MYH11: variants seen among roughly 807,000 people sequenced by gnomAD.
MYH11 encodes the protein myosin-11.
A neutral mutation model predicts 246.6 loss-of-function variants in MYH11; 80 were observed. The ratio of observed to expected loss-of-function variants is 0.32; its 90% CI spans 0.27 to 0.39. The LOEUF is 0.39. Among genes scored for constraint, MYH11 ranks in the 10% least tolerant of loss-of-function variants. The probability of loss-of-function intolerance (pLI) is 1.00; values close to 1 mark genes in which losing one functional copy is unlikely to be tolerated. For synonymous variants in MYH11, 1,071 were observed against 1,015.5 expected (o/e 1.05, Z -1.04); for missense variants, 2,158 against 2,546.8 (o/e 0.85, Z 3.29).
chr16:15,724,864 T>G, intron 29 of MYH11, 24 bp downstream of exon 29: 1 of 1,613,844 alleles, frequency 6.2e-7, no homozygotes, highest in East Asian at 2.2e-5. Flanking sequence ...CCAGGTCCCC[T>G]GGATGATGTG....
At chr16:15,825,159 G>A (rs556384086) in intron 2 of MYH11, among the ~76,000 whole-genome samples, 33 of 152,272 alleles carry the variant, frequency 2.2e-4, no homozygotes, top group African/African-American at 7.5e-4. Context: ...CAAAGCCATG[G>A]AGACAGAAAA....
At chr16:15,778,216 G>A (rs10852376) in intron 7 of MYH11, among the ~76,000 whole-genome samples, 29,558 of 152,048 alleles carry the variant, frequency 0.19, 2,973 homozygotes, top group East Asian at 0.29. Context: ...TGTTCCTTGC[G>A]ATACCAGCAT....
intron 2 of MYH11, among the ~76,000 whole-genome samples, chr16:15,830,960 T>A (rs909760145): frequency 1.3e-4 from 20 of 152,028 alleles, no homozygotes; most frequent in Non-Finnish European, 2.5e-4. Flanking sequence ...TCACCTGAGG[T>A]CAGGAGATCG....
At chr16:15,767,182 G>T (rs1330902372) in intron 9 of MYH11, among the ~76,000 whole-genome samples, 3 of 152,088 alleles carry the variant, frequency 2.0e-5, no homozygotes, top group African/African-American at 7.2e-5. Context: ...GTGATGGAAG[G>T]ATGAGTAGAG....
chr16:15,704,782 A>G (rs371585177), intron 40 of MYH11, among the ~76,000 whole-genome samples: 5 of 152,372 alleles, frequency 3.3e-5, no homozygotes, highest in South Asian at 4.1e-4. Context: ...CATACCGCAC[A>G]TGGCGTAAAA....
chr16:15,722,726 C>T (rs139354226), intron 31 of MYH11, among the ~76,000 whole-genome samples: 2 of 152,232 alleles, frequency 1.3e-5, no homozygotes, highest in South Asian at 4.1e-4. Context: ...GGCATTTAGC[C>T]TCACTGTACA....
intron 1 of MYH11, among the ~76,000 whole-genome samples, chr16:15,855,151 C>A (rs2044430561): frequency 6.6e-6 from 1 of 152,136 alleles, no homozygotes; most frequent in South Asian, 2.1e-4. Context: ...CTATTTCGGA[C>A]ATGATAATAA....
intron 20 of MYH11, among the ~76,000 whole-genome samples, chr16:15,743,904 G>A (rs184432537): frequency 3.0e-4 from 45 of 152,196 alleles, no homozygotes; most frequent in African/African-American, 9.6e-4. Flanking sequence ...TGTGCCATGG[G>A]GACAATGCAA....
intron 14 of MYH11, among the ~76,000 whole-genome samples, chr16:15,756,136 G>T (rs1456699691): frequency 6.6e-6 from 1 of 152,228 alleles, no homozygotes; most frequent in Non-Finnish European, 1.5e-5. Flanking sequence ...GGACGTCACG[G>T]TTGGAAAACA....
chr16:15,846,424 T>G (rs1022405008), intron 1 of MYH11, among the ~76,000 whole-genome samples: 3 of 152,068 alleles, frequency 2.0e-5, no homozygotes, highest in Non-Finnish European at 4.4e-5. Context: ...GTGATAGAAC[T>G]CAGATAAGGA....
At chr16:15,806,279 CAAAAAAAAAAAAA>C (rs71134463) in intron 3 of MYH11, among the ~76,000 whole-genome samples, 117 of 61,120 alleles carry the variant, frequency 1.9e-3, no homozygotes, top group South Asian at 4.0e-3. Context: ...CACTCTGTCT[CAAAAAAAAAAAAA>C]AAAAAAAAAA....
chr16:15,831,934 T>C (rs147431276), intron 2 of MYH11, among the ~76,000 whole-genome samples: 324 of 150,800 alleles, frequency 2.1e-3, no homozygotes, highest in African/African-American at 5.6e-3. Context: ...CGAGACTCCA[T>C]GTTAAAAAAA....
chr16:15,723,091 CAT>C (rs2040570744), intron 31 of MYH11, among the ~76,000 whole-genome samples: 1 of 152,124 alleles, frequency 6.6e-6, no homozygotes, highest in Non-Finnish European at 1.5e-5. Flanking sequence ...TAAACTAAAT[CAT>C]ATTTACTAAA....
At chr16:15,725,151 A>C (rs867963750) in intron 28 of MYH11, 159 bp from the exon 29 acceptor site, 3 of 641,764 alleles carry the variant, frequency 4.7e-6, no homozygotes, top group South Asian at 3.6e-5. Flanking sequence ...AAAAAAAAAC[A>C]CACACACACA....
chr16:15,787,059 C>G (rs1311395023), intron 4 of MYH11, among the ~76,000 whole-genome samples: 1 of 152,044 alleles, frequency 6.6e-6, no homozygotes, highest in African/African-American at 2.4e-5. Context: ...ATCATTTGAG[C>G]CCAGGAGTGT....
Position 15,715,692 on chromosome 16 carries a change from A to G in MYH11, c.5505-420T>C, listed in dbSNP as rs377500682. On this transcript the variant is annotated intron_variant, in intron 38 of 40. Coordinates refer to ENST00000300036, the MANE Select transcript of MYH11 (RefSeq NM_002474.3). ...CAGGTTGGAGTGCAGTGGTGCTCCA[A>G]TGCCTGCTCTTCACCCTAGTTCATA... is the stretch of plus-strand genomic sequence containing the variant. Among the ~76,000 whole-genome samples the G allele has an allele frequency of 9.5e-4, 145 of 152,236 alleles. 3 individuals are homozygous for G. The South Asian group carries it at 0.016, about 17-fold the overall frequency.
chr16:15,724,931 G>A lies in MYH11; in HGVS notation c.3920C>T (p.Ala1307Val), dbSNP rs764769079. The change falls in exon 29 of 41, where the codon GCC (alanine) becomes GTC (valine). Residue 1307 changes from alanine to valine, a missense_variant. Transcript: ENST00000300036. ...GGAACTGAGGGACGCCACGTCCTTG[G>A]CCAGCTTAATGGCCTTCCCCTCGGC... ...NEAEGKAIKL[A>V]KDVASLSSQL... The A allele has an allele frequency of 1.2e-6, 2 of 1,614,106 alleles. No homozygotes were observed. Among genetic ancestry groups the A allele is most frequent in the South Asian group, 2.2e-5 (2 of 91,084 alleles).
chr16:15,723,467 C>CT (rs942797939), intron 31 of MYH11, among the ~76,000 whole-genome samples: 2 of 152,074 alleles, frequency 1.3e-5, no homozygotes, highest in African/African-American at 4.8e-5. Context: ...GACAACATGG[C>CT]AAAACCCCAT....
At chr16:15,802,076 T>G (rs2042900534) in intron 3 of MYH11, among the ~76,000 whole-genome samples, 1 of 152,232 alleles carries the variant, frequency 6.6e-6, no homozygotes, top group African/African-American at 2.4e-5. Flanking sequence ...GTTTGTGCTA[T>G]GAACACATAC....
Sources: allele counts gnomAD v4.1 joint callset (sites outside exome capture counted in the v4.1 genomes callset), GRCh38; gene constraint gnomAD v4.1.1; transcripts MANE v1.5; gene names NCBI Gene and HGNC (gene_info 2026-07-23, HGNC 2026-07-21).